RBFOX1: variants seen among roughly 807,000 people sequenced by gnomAD.
The protein encoded by RBFOX1 is RNA binding fox-1 homolog 1, also known as RNA binding protein fox-1 homolog 1.
A neutral mutation model predicts 57.7 loss-of-function variants in RBFOX1; 8 were observed. That is an observed-to-expected ratio of 0.14 (90% CI 0.08 to 0.25). RBFOX1 has a LOEUF of 0.25. Among genes scored for constraint, RBFOX1 ranks in the 10% least tolerant of loss-of-function variants. RBFOX1 has a pLI of 1.00. For missense variants in RBFOX1, 611 were observed against 548.5 expected (o/e 1.11, Z -1.14); for synonymous variants, 326 against 222.4 (o/e 1.47, Z -4.15).
intron 11 of RBFOX1, among the ~76,000 whole-genome samples, chr16:7,651,331 C>T (rs2065016207): frequency 6.6e-6 from 1 of 152,114 alleles, no homozygotes; most frequent in African/African-American, 2.4e-5. Context: ...CTGTGGCAAA[C>T]CCCACCCGCT....
At chr16:6,711,531 A>G (rs1005765091) in intron 3 of RBFOX1, among the ~76,000 whole-genome samples, 4 of 152,070 alleles carry the variant, frequency 2.6e-5, no homozygotes, top group African/African-American at 9.7e-5. Context: ...ACAACATATG[A>G]TGGTTTAAAA....
intron 1 of RBFOX1, among the ~76,000 whole-genome samples, chr16:5,461,231 G>A (rs2151594748): frequency 6.6e-6 from 1 of 152,326 alleles, no homozygotes; most frequent in Middle Eastern, 3.4e-3. Context: ...GTGGTGCATA[G>A]AGTGGTAACA....
intron 2 of RBFOX1, among the ~76,000 whole-genome samples, chr16:6,473,344 A>C (rs922177196): frequency 6.6e-6 from 1 of 152,190 alleles, no homozygotes; most frequent in African/African-American, 2.4e-5. Context: ...TGAACGAAAC[A>C]AAAGAAAGGA....
At chr16:6,553,524 A>G (rs1385744384) in intron 2 of RBFOX1, among the ~76,000 whole-genome samples, 1 of 152,196 alleles carries the variant, frequency 6.6e-6, no homozygotes, top group Non-Finnish European at 1.5e-5. Context: ...TGCACCTCAA[A>G]CCTACCACCC....
At chr16:6,371,544 T>C (rs1473507962) in intron 2 of RBFOX1, among the ~76,000 whole-genome samples, 1 of 152,168 alleles carries the variant, frequency 6.6e-6, no homozygotes, top group Admixed American at 6.5e-5. Flanking sequence ...AAGTTTTTTT[T>C]AATAACATCC....
At chr16:5,638,751 T>C (rs2048767722) in intron 3 of RBFOX1, among the ~76,000 whole-genome samples, 1 of 152,126 alleles carries the variant, frequency 6.6e-6, no homozygotes, top group Non-Finnish European at 1.5e-5. Context: ...AGAGCTTGAG[T>C]AGGATCCTGT....
At chr16:5,774,635 G>T (rs188616396) in intron 3 of RBFOX1, among the ~76,000 whole-genome samples, 1 of 152,084 alleles carries the variant, frequency 6.6e-6, no homozygotes, top group Non-Finnish European at 1.5e-5. Flanking sequence ...TGTGTAACAG[G>T]GCTTTGGGAT....
At chr16:5,908,323 C>T (rs555821065) in intron 4 of RBFOX1, among the ~76,000 whole-genome samples, 4 of 138,486 alleles carry the variant, frequency 2.9e-5, no homozygotes, top group East Asian at 2.2e-4. Flanking sequence ...TACACACACA[C>T]ATATATATAT....
intron 3 of RBFOX1, among the ~76,000 whole-genome samples, chr16:6,901,069 G>A (rs2068360311): frequency 4.6e-5 from 7 of 152,096 alleles, no homozygotes; most frequent in Admixed American, 4.6e-4. Context: ...TTGGCCACTG[G>A]ATACTTCTCA....
At chr16:5,998,935 A>G (rs1349516562) in intron 4 of RBFOX1, among the ~76,000 whole-genome samples, 2 of 152,108 alleles carry the variant, frequency 1.3e-5, no homozygotes, top group African/African-American at 2.4e-5. Flanking sequence ...ACATCTCCCT[A>G]TGGAACATAC....
At chr16:5,685,864 A>C (rs1037444812) in intron 3 of RBFOX1, among the ~76,000 whole-genome samples, 3 of 152,202 alleles carry the variant, frequency 2.0e-5, no homozygotes, top group Non-Finnish European at 4.4e-5. Context: ...GACTTGGACA[A>C]AATCTTTTAC....
chr16:5,416,349 A>G (rs181132355), intron 1 of RBFOX1, among the ~76,000 whole-genome samples: 56 of 152,300 alleles, frequency 3.7e-4, no homozygotes, highest in Admixed American at 3.0e-3. Context: ...CCTGCCTTAT[A>G]GTTAATCATT....
chr16:5,546,586 TG>T (rs138766519), intron 2 of RBFOX1, among the ~76,000 whole-genome samples: 265 of 152,316 alleles, frequency 1.7e-3, no homozygotes, highest in African/African-American at 6.2e-3. Context: ...AATCTGTATC[TG>T]TGGCATATAC....
chr16:7,208,193 C>G (rs1207048369), intron 4 of RBFOX1, among the ~76,000 whole-genome samples: 1 of 152,098 alleles, frequency 6.6e-6, no homozygotes, highest in Non-Finnish European at 1.5e-5. Context: ...GAAACTGTAG[C>G]CAATTATGTC....
chr16:6,539,806 G>GAC (rs35407844), intron 2 of RBFOX1, among the ~76,000 whole-genome samples: 12,014 of 136,250 alleles, frequency 0.088, 1,002 homozygotes, highest in African/African-American at 0.2. Context: ...TCAAAACACA[G>GAC]ACACACACAC....
chr16:6,540,413 A>C (rs2153831458), intron 2 of RBFOX1, among the ~76,000 whole-genome samples: 1 of 152,060 alleles, frequency 6.6e-6, no homozygotes, highest in South Asian at 2.1e-4. Context: ...GGAGATCGAG[A>C]CTATCCTGGC....
intron 4 of RBFOX1, among the ~76,000 whole-genome samples, chr16:7,069,585 C>G (rs186552514): frequency 1.1e-4 from 17 of 152,286 alleles, no homozygotes; most frequent in African/African-American, 3.6e-4. Context: ...GGGACACATT[C>G]CTTTCACGGC....
At chr16:6,102,269 TCTCA>T (rs1235766024) in intron 1 of RBFOX1, among the ~76,000 whole-genome samples, 1 of 151,864 alleles carries the variant, frequency 6.6e-6, no homozygotes, top group African/African-American at 2.4e-5. Context: ...CTTTCTTCCC[TCTCA>T]CTATCTTTCC....
intron 5 of RBFOX1, among the ~76,000 whole-genome samples, chr16:7,541,391 A>G (rs553407645): frequency 5.3e-5 from 8 of 152,228 alleles, no homozygotes; most frequent in Middle Eastern, 3.4e-3. Flanking sequence ...AGCTCCACTG[A>G]TAGGAGATTG....
Sources: gnomAD v4.1 joint callset for allele counts (sites outside exome capture counted in the v4.1 genomes callset) on GRCh38, gnomAD v4.1.1 for gene constraint, MANE v1.5 for transcripts, NCBI Gene and HGNC (gene_info 2026-07-23, HGNC 2026-07-21) for gene names.